OLFM3: variants seen among roughly 807,000 people sequenced by gnomAD.
OLFM3 encodes noelin-3.
Under a neutral mutation model 48.6 loss-of-function variants are expected in OLFM3, and 20 were observed. That is an observed-to-expected ratio of 0.41 (90% CI 0.29 to 0.60). The LOEUF (loss-of-function observed/expected upper bound fraction) is 0.60, where lower values mean the gene tolerates loss of function less well. OLFM3 is among the 20% of genes least tolerant of loss of function. The pLI is 0.28. For synonymous variants in OLFM3, 222 were observed against 198.1 expected (o/e 1.12, Z -1.01); for missense variants, 437 against 544.3 (o/e 0.80, Z 1.96).
At chr1:101,832,459 C>T (rs1022190610) in intron 2 of OLFM3, among the ~76,000 whole-genome samples, 1 of 152,168 alleles carries the variant, frequency 6.6e-6, no homozygotes, top group African/African-American at 2.4e-5. Flanking sequence ...TTTCTGTTCC[C>T]TCTGCTGTCT....
chr1:101,836,750 A>C, intron 2 of OLFM3, 129 bp downstream of exon 2: 1 of 914,552 alleles, frequency 1.1e-6, no homozygotes, highest in Non-Finnish European at 1.7e-6. Context: ...GATCAGAAAA[A>C]AAAGCTTATC....
intron 4 of OLFM3, among the ~76,000 whole-genome samples, chr1:101,814,266 GT>G (rs67937847): frequency 1.7e-3 from 241 of 139,122 alleles, no homozygotes; most frequent in East Asian, 0.01. Context: ...CCCAGCTAAG[GT>G]TTTTTTTTTT....
intron 1 of OLFM3, among the ~76,000 whole-genome samples, chr1:101,900,313 C>A (rs1658349384): frequency 6.6e-6 from 1 of 151,874 alleles, no homozygotes; most frequent in Non-Finnish European, 1.5e-5. Context: ...TATGAGAACA[C>A]AGAAGAAAGG....
intron 1 of OLFM3, among the ~76,000 whole-genome samples, chr1:101,987,353 T>C (rs1051117642): frequency 6.6e-6 from 1 of 152,204 alleles, no homozygotes; most frequent in Non-Finnish European, 1.5e-5. Flanking sequence ...TTTTATTCTC[T>C]GTTTCTAGTA....
chr1:101,806,223 C>T, intron 4 of OLFM3, 41 bp from the exon 5 acceptor site: 1 of 1,434,470 alleles, frequency 7.0e-7, no homozygotes, highest in Non-Finnish European at 9.8e-7. Flanking sequence ...TGAACGCAGC[C>T]AATGATTCCA....
intron 1 of OLFM3, among the ~76,000 whole-genome samples, chr1:101,907,930 GTAT>G (rs1265258523): frequency 5.3e-5 from 8 of 152,066 alleles, no homozygotes; most frequent in Admixed American, 4.6e-4. Flanking sequence ...CTCTACTCAC[GTAT>G]TATTATCTAT....
chr1:101,819,895 A>G (rs1340638226), intron 4 of OLFM3, among the ~76,000 whole-genome samples: 1 of 152,016 alleles, frequency 6.6e-6, no homozygotes, highest in Non-Finnish European at 1.5e-5. Flanking sequence ...GAGTTCTTGC[A>G]TAGATTTGAA....
chr1:101,817,439 G>A (rs183714273), intron 4 of OLFM3, among the ~76,000 whole-genome samples: 5 of 152,162 alleles, frequency 3.3e-5, no homozygotes, highest in East Asian at 1.9e-4. Context: ...GAAAGTGACC[G>A]TGACCATTTT....
chr1:101,950,488 G>A (rs1182379858), intron 1 of OLFM3, among the ~76,000 whole-genome samples: 2 of 151,046 alleles, frequency 1.3e-5, no homozygotes, highest in Non-Finnish European at 2.9e-5. Flanking sequence ...GCCCAGGCTG[G>A]AGTGCAGTGG....
At chr1:101,873,228 TG>T (rs1657154464) in intron 1 of OLFM3, among the ~76,000 whole-genome samples, 1 of 151,952 alleles carries the variant, frequency 6.6e-6, no homozygotes, top group Non-Finnish European at 1.5e-5. Context: ...GCTTCCCTTT[TG>T]TTGCTCTTCC....
intron 4 of OLFM3, among the ~76,000 whole-genome samples, chr1:101,822,567 T>C (rs1453845219): frequency 1.3e-5 from 2 of 152,124 alleles, no homozygotes; most frequent in Non-Finnish European, 2.9e-5. Flanking sequence ...CACAGACAAA[T>C]CCTACAGATT....
chr1:101,861,705 A>G (rs572805693), intron 1 of OLFM3, among the ~76,000 whole-genome samples: 2 of 152,308 alleles, frequency 1.3e-5, no homozygotes, highest in Non-Finnish European at 2.9e-5. Context: ...TGTTAAGAGC[A>G]TGGGCTTTGT....
intron 1 of OLFM3, among the ~76,000 whole-genome samples, chr1:101,925,288 T>A (rs975051652): frequency 6.6e-6 from 1 of 151,916 alleles, no homozygotes; most frequent in African/African-American, 2.4e-5. Context: ...ATTTTCCTTG[T>A]AGGAAATGGA....
intron 1 of OLFM3, chr1:101,846,844 C>G (rs777903009): frequency 6.2e-7 from 1 of 1,609,824 alleles, no homozygotes; most frequent in African/African-American, 1.3e-5. Flanking sequence ...CAGTAACTTA[C>G]TAAGGTATCC....
At chr1:101,935,213 T>C (rs1190248804) in intron 1 of OLFM3, among the ~76,000 whole-genome samples, 6 of 150,844 alleles carry the variant, frequency 4.0e-5, no homozygotes, top group Non-Finnish European at 5.9e-5. Flanking sequence ...ATAAATAAGA[T>C]TGATAGACCA....
At chr1:101,830,959 A>G in intron 2 of OLFM3, 132 bp from the exon 3 acceptor site, 1 of 672,416 alleles carries the variant, frequency 1.5e-6, no homozygotes, top group South Asian at 2.0e-5. Flanking sequence ...CATATGACAC[A>G]TTTTCAGAAG....
At chr1:101,898,565 G>A (rs775646374) in intron 1 of OLFM3, among the ~76,000 whole-genome samples, 1 of 152,054 alleles carries the variant, frequency 6.6e-6, no homozygotes, top group Non-Finnish European at 1.5e-5. Flanking sequence ...AAATAGAATT[G>A]AGGCCGGGCA....
chr1:101,818,008 G>T (rs1051820819), intron 4 of OLFM3, among the ~76,000 whole-genome samples: 2 of 152,054 alleles, frequency 1.3e-5, no homozygotes, highest in Non-Finnish European at 2.9e-5. Context: ...ATGGTTATCT[G>T]GCTAATGGGA....
intron 1 of OLFM3, among the ~76,000 whole-genome samples, chr1:101,879,653 G>A (rs1349428082): frequency 1.3e-5 from 2 of 151,788 alleles, no homozygotes; most frequent in African/African-American, 2.4e-5. Flanking sequence ...CCTAGATTTA[G>A]CTATGGATTG....
Sources: allele counts gnomAD v4.1 joint callset (sites outside exome capture counted in the v4.1 genomes callset), GRCh38; gene constraint gnomAD v4.1.1; transcripts MANE v1.5; gene names NCBI Gene and HGNC (gene_info 2026-07-23, HGNC 2026-07-21).